AKNA: variants seen among roughly 807,000 people sequenced by gnomAD.
The protein encoded by AKNA is AT-hook transcription factor.
Under a neutral mutation model 138.8 loss-of-function variants are expected in AKNA, and 67 were observed. The observed-to-expected ratio is 0.48, with a 90% confidence interval of 0.40 to 0.59. The LOEUF (loss-of-function observed/expected upper bound fraction) is 0.59. Among genes scored for constraint, AKNA ranks in the 20% least tolerant of loss-of-function variants. AKNA has a pLI of 0.00. For synonymous variants in AKNA, 737 were observed against 754.4 expected, an observed-to-expected ratio of 0.98 and a Z score of 0.38; for missense variants, 1,813 against 1,880.4, an observed-to-expected ratio of 0.96 and a Z score of 0.66.
rs78293965 is a variant in AKNA, at chr9:114,346,396, C to T, written c.3514+273G>A. On this transcript the variant is annotated intron_variant, in intron 17 of 21. Transcript: ENST00000374088. ...ATCCCCTGCGCTCATTGGGCTTCAG[C>T]GCCCTTATCTGTGAAATGTGGATAA... Among the ~76,000 whole-genome samples the T allele has an allele frequency of 2.0e-3, 305 of 152,332 alleles. 2 individuals are homozygous for T. The highest frequency in any genetic ancestry group is 6.8e-3 in the Middle Eastern group (2 of 294).
At chr9:114,331,715 G>T, downstream of AKNA, 1 of 1,593,298 alleles carries the variant, frequency 6.3e-7, no homozygotes, top group Non-Finnish European at 8.6e-7. Context: ...CCCCTCTCAG[G>T]CCTCACCCCC....
intron 6 of AKNA, among the ~76,000 whole-genome samples, chr9:114,364,997 T>TATTA (rs1406596430): frequency 6.6e-6 from 1 of 152,226 alleles, no homozygotes; most frequent in Non-Finnish European, 1.5e-5. Flanking sequence ...TGTTCTGAGC[T>TATTA]ATTAATGCCT....
At chr9:114,353,367 C>T (rs1400316063) in intron 14 of AKNA, among the ~76,000 whole-genome samples, 1 of 152,012 alleles carries the variant, frequency 6.6e-6, no homozygotes, top group African/African-American at 2.4e-5. Flanking sequence ...GGGTTTAAGC[C>T]ATTCTCCTGC....
At chr9:114,341,107 C>G (rs1415648752) in intron 21 of AKNA, among the ~76,000 whole-genome samples, 2 of 152,156 alleles carry the variant, frequency 1.3e-5, no homozygotes, top group South Asian at 2.1e-4. Flanking sequence ...GGGAATCTCT[C>G]TGGACTATCT....
At chr9:114,343,914 GTC>G (rs981389015) in intron 18 of AKNA, 111 bp from the exon 19 acceptor site, 2 of 938,520 alleles carry the variant, frequency 2.1e-6, no homozygotes, top group African/African-American at 3.3e-5. Context: ...AATAGTCTCT[GTC>G]TCTCTCTCAC....
rs144474917 is a variant in AKNA at position 114,371,021 on chromosome 9, G to T, written c.1417-2426C>A. ...GCTGAGATGGAGGAACAGGGGCTGG[G>T]GGGGAGGTGGCAACATGGCAGCAAA... is the stretch of plus-strand genomic sequence containing the variant. On this transcript the variant is annotated intron_variant, in intron 4 of 21. Transcript: ENST00000374088. 3.9e-5 allele frequency among the ~76,000 whole-genome samples: 6 copies of T among 152,194 alleles called. No individual in the cohort carries two copies. The East Asian group carries it at 7.7e-4, about 20-fold the overall frequency.
Position 114,341,679 on chromosome 9 carries a change from G to C in AKNA, c.3921C>G (p.Ser1307Arg). 1 of 1,603,356 alleles carries C rather than the reference G, an allele frequency of 6.2e-7. No homozygotes were observed. Among genetic ancestry groups the C allele is most frequent in the Non-Finnish European group, 8.5e-7 (1 of 1,175,702 alleles). ...TTRRKASSTP[S>R]PKQRSKQAGS... ...CCGCCTGCTTGCTCCTCTGCTTGGG[G>C]CTGGGAGTTGAAGATGCTTTTCTCC... The change falls in exon 21 of 22, where the codon AGC becomes AGG. Residue 1307 changes from serine to arginine, a missense_variant. By Grantham distance (110) the Ser-to-Arg change is moderately radical. Coordinates refer to ENST00000374088, the MANE Select transcript of AKNA (RefSeq NM_001317950.2).
rs550538108 is a variant in AKNA at position 114,387,978 on chromosome 9, G to C, written c.-232C>G. 2.4e-6 allele frequency: 1 copy of C among 413,738 alleles called. No homozygotes were observed. The highest frequency in any genetic ancestry group is 2.0e-5 in the African/African-American group (1 of 49,406). 25.6% of individuals were successfully genotyped at this position (413,738 alleles called of 1,614,324 possible). A position where few individuals can be genotyped will look rare whatever the true frequency, so the allele number is the denominator to read the frequency against. The stretch of plus-strand genomic sequence containing the variant: ...TTGCGCCCTGGCCCACCTCCAGGCC[G>C]TTCTGCCAGCCCAAGCTGCTGCTCA... On this transcript the variant is annotated 5_prime_UTR_variant, in exon 1 of 22. Transcript: ENST00000374088.
At chr9:114,355,665 A>G (rs1816958792) in intron 14 of AKNA, among the ~76,000 whole-genome samples, 2 of 152,256 alleles carry the variant, frequency 1.3e-5, no homozygotes, top group South Asian at 2.1e-4. Context: ...GTTGCTATGC[A>G]GTGCATGACA....
Position 114,346,699 on chromosome 9 carries a change from C to G in AKNA, c.3484G>C (p.Val1162Leu), listed in dbSNP as rs1324447818. 6.2e-7 allele frequency: 1 copy of G among 1,612,466 alleles called. No homozygotes were observed. The highest frequency in any genetic ancestry group is 1.3e-5 in the African/African-American group (1 of 74,844). ...PGRQRARSSSVPREVLRLSLS... is the reference protein window; with the variant it reads ...PGRQRARSSSLPREVLRLSLS... ...GACAGTCGGAGCACCTCCCGAGGCA[C>G]TGAGGAAGACCTGGCTCGCTGCCTT... The change falls in exon 17 of 22, where the codon GTG (valine) becomes CTG (leucine). Residue 1162 changes from valine (V) to leucine (L), a missense_variant. Physicochemically the swap from Val to Leu is conservative, Grantham distance 32 (BLOSUM62 1). Transcript: ENST00000374088.
chr9:114,362,492 C>T lies in AKNA; in HGVS notation c.1830G>A (p.Glu610=). The T allele has an allele frequency of 6.2e-7, 1 of 1,613,494 alleles. No homozygotes were observed. Residue 610 remains glutamate (E), a synonymous_variant, in exon 8 of 22, where the codon GAG becomes GAA. Transcript: ENST00000374088. ...GCTCCCGACAAGCCTTCAGGTACTCCTCCTCTAGGGCCGCGTGGGCAGCCT... is the reference window on the plus strand; with the variant it reads ...GCTCCCGACAAGCCTTCAGGTACTCTTCCTCTAGGGCCGCGTGGGCAGCCT... ...RLKAAHAALE[E]EYLKACREQH...
Position 114,341,703 on chromosome 9 carries a change from C to A in AKNA, c.3897G>T (p.Arg1299Ser), listed in dbSNP as rs1162039976. The A allele has an allele frequency of 6.3e-7, 1 of 1,583,752 alleles. No homozygotes were observed. The change falls in exon 21 of 22, where the codon AGG becomes AGT. Residue 1299 changes from arginine to serine, a missense_variant. Arg to Ser is a moderately radical substitution (Grantham distance 110). Transcript: ENST00000374088. ...GGCTGGGAGTTGAAGATGCTTTTCTCCTCGTGGTGGCCTTCTCTGCCCCTA... is the reference window on the plus strand; with the variant it reads ...GGCTGGGAGTTGAAGATGCTTTTCTACTCGTGGTGGCCTTCTCTGCCCCTA... ...ATSGAEKATT[R>S]RKASSTPSPK...
rs56069318 is a variant in AKNA, at chr9:114,393,767, T to TA, written c.-114+589dup. 8.7e-4 allele frequency among the ~76,000 whole-genome samples: 127 copies of TA among 145,180 alleles called. No individual in the cohort carries two copies. The East Asian group carries it at 0.014, about 16-fold the overall frequency. ...AATATATATCTAGTTTGAGTCCACTTAAAAAAAAAAACAGTAAAATATGGA... is the reference window on the plus strand; with the variant it reads ...AATATATATCTAGTTTGAGTCCACTTAAAAAAAAAAAACAGTAAAATATGGA... On this transcript the variant is annotated intron_variant, in intron 1 of 21. Coordinates refer to the AKNA transcript ENST00000307564.
chr9:114,367,729 A>G, intron 5 of AKNA, 32 bp from the exon 6 acceptor site: 1 of 1,523,830 alleles, frequency 6.6e-7, no homozygotes, highest in East Asian at 2.3e-5. Context: ...AGCTGGGGCC[A>G]AGAACAGTCC....
Position 114,356,929 on chromosome 9 carries a change from A to C in AKNA, c.2780T>G (p.Val927Gly). The change falls in exon 13 of 22, where the codon GTG (valine) becomes GGG (glycine). Residue 927 changes from valine to glycine, a missense_variant. Transcript: ENST00000374088. ...MASPETDSGF[V>G]GSETSRVSPL... Reference sequence around the variant, plus strand: ...TGAAACTCTGCTTGTTTCTGAGCCCACAAAGCCACTGTCTGTCTCTGGGGA... The same window carrying C: ...TGAAACTCTGCTTGTTTCTGAGCCCCCAAAGCCACTGTCTGTCTCTGGGGA... 6.3e-7 allele frequency: 1 copy of C among 1,575,358 alleles called. No homozygotes were observed. The highest frequency in any genetic ancestry group is 8.6e-7 in the Non-Finnish European group (1 of 1,164,470).
intron 13 of AKNA, 93 bp downstream of exon 13, chr9:114,356,770 T>C: frequency 9.0e-7 from 1 of 1,109,626 alleles, no homozygotes; most frequent in Non-Finnish European, 1.3e-6. Flanking sequence ...GGACAGACCA[T>C]CCTCTCTTAT....
chr9:114,375,068 T>C (rs569772494), intron 3 of AKNA, among the ~76,000 whole-genome samples: 4 of 152,350 alleles, frequency 2.6e-5, no homozygotes, highest in Non-Finnish European at 5.9e-5. Flanking sequence ...CTGTGCTTAC[T>C]GAAGGAGGCA....
rs561306665 is a variant in AKNA, at chr9:114,343,777, T to C, written c.3688A>G (p.Lys1230Glu). Reference protein sequence around the residue: ...TGHEYHVLSPKAVPKGNGTVS... With the variant: ...TGHEYHVLSPEAVPKGNGTVS... ...GTGCCATTGCCTTTTGGGACCGCCT[T>C]AGGGGACAGAACATGGTATTCGTGG... The change falls in exon 19 of 22, where the codon AAG becomes GAG. Residue 1230 changes from lysine (K) to glutamate (E), a missense_variant. Physicochemically the swap from Lys to Glu is moderately conservative, Grantham distance 56 (BLOSUM62 1). Coordinates refer to ENST00000374088, the MANE Select transcript of AKNA (RefSeq NM_001317950.2). 2 of 1,613,972 alleles carry C rather than the reference T, an allele frequency of 1.2e-6. No individual in the cohort carries two copies. The highest frequency in any genetic ancestry group is 1.3e-5 in the African/African-American group (1 of 75,052).
At chr9:114,332,921 C>G, downstream of AKNA, 1 of 723,186 alleles carries the variant, frequency 1.4e-6, no homozygotes, top group Non-Finnish European at 2.3e-6. Flanking sequence ...CCAAGATCAC[C>G]CAGCTGGGAA....
Sources: allele counts gnomAD v4.1 joint callset (sites outside exome capture counted in the v4.1 genomes callset), GRCh38; gene constraint gnomAD v4.1.1; transcripts MANE v1.5; gene names NCBI Gene and HGNC (gene_info 2026-07-23, HGNC 2026-07-21).